DTNB: variants seen among roughly 807,000 people sequenced by gnomAD.
DTNB encodes the protein DTN-B.
In DTNB, 63 loss-of-function variants were observed where a neutral mutation model predicts 90.7. That is an observed-to-expected ratio of 0.69 (90% CI 0.57 to 0.86). The LOEUF is 0.86. Ranked by LOEUF, DTNB falls within the 40% of genes least tolerant of loss-of-function variation. The pLI, the probability that DTNB is intolerant of heterozygous loss-of-function variation, is 0.00. For synonymous variants in DTNB, 277 were observed against 286.7 expected, an observed-to-expected ratio of 0.97 and a Z score of 0.34; for missense variants, 744 against 807.1, an observed-to-expected ratio of 0.92 and a Z score of 0.95.
chr2:25,584,532 G>A (rs1559126079), intron 6 of DTNB, among the ~76,000 whole-genome samples: 5 of 151,446 alleles, frequency 3.3e-5, no homozygotes, highest in South Asian at 2.1e-4. Context: ...ATTTTTAAGT[G>A]ACTTAGTTTT....
chr2:25,523,430 A>G (rs2076502515), intron 9 of DTNB, among the ~76,000 whole-genome samples: 1 of 152,276 alleles, frequency 6.6e-6, no homozygotes, highest in African/African-American at 2.4e-5. Flanking sequence ...GCTTGAGGTC[A>G]GGAGTTCGAG....
chr2:25,417,136 A>AG (rs1160912260), intron 16 of DTNB, among the ~76,000 whole-genome samples: 4 of 152,192 alleles, frequency 2.6e-5, no homozygotes, highest in African/African-American at 9.7e-5. Context: ...GGGAAAGCTG[A>AG]GGAAAAAACA....
chr2:25,579,733 C>G (rs2061266756), intron 7 of DTNB, among the ~76,000 whole-genome samples: 1 of 151,780 alleles, frequency 6.6e-6, no homozygotes, highest in Admixed American at 6.6e-5. Flanking sequence ...AAAAGGGAAC[C>G]CACTGTTAAA....
At position 25,381,438 on chromosome 2, in the gene DTNB, G is replaced by T. The variant is rs186642008; in HGVS notation, c.1880-2115C>A. Among the ~76,000 whole-genome samples the T allele has an allele frequency of 2.0e-4, 31 of 152,164 alleles. No individual in the cohort carries two copies. In the East Asian group the frequency reaches 5.8e-3, roughly 28 times the overall value. On this transcript the variant is annotated intron_variant, in intron 19 of 20. Transcript: ENST00000406818. ...TCTGTTATCCAGGCTGGAATGCAGT[G>T]GCGTGACTATAGCTCACTGCAGCCT...
intron 1 of DTNB, among the ~76,000 whole-genome samples, chr2:25,654,542 C>T (rs2081681073): frequency 6.6e-6 from 1 of 152,160 alleles, no homozygotes; most frequent in African/African-American, 2.4e-5. Flanking sequence ...TCGAAAACAG[C>T]CAGTATTAAA....
At chr2:25,542,241 G>A (rs1032797859) in intron 8 of DTNB, among the ~76,000 whole-genome samples, 16 of 152,146 alleles carry the variant, frequency 1.1e-4, no homozygotes, top group African/African-American at 3.4e-4. Flanking sequence ...CAGCCTCACC[G>A]TGCCCAGCTT....
At chr2:25,402,732 A>C (rs952619368) in intron 16 of DTNB, among the ~76,000 whole-genome samples, 1 of 152,228 alleles carries the variant, frequency 6.6e-6, no homozygotes, top group Non-Finnish European at 1.5e-5. Context: ...TGGTGAGGCA[A>C]GCTGCGGTAA....
At chr2:25,529,107 C>T (rs2077669356) in intron 9 of DTNB, among the ~76,000 whole-genome samples, 1 of 152,150 alleles carries the variant, frequency 6.6e-6, no homozygotes, top group Non-Finnish European at 1.5e-5. Flanking sequence ...AAGTAGATTA[C>T]TTAGTTCCTT....
intron 14 of DTNB, among the ~76,000 whole-genome samples, chr2:25,431,625 A>T (rs2053875192): frequency 6.6e-6 from 1 of 152,232 alleles, no homozygotes. Flanking sequence ...GATATTTTTC[A>T]GATCCTTCCG....
At chr2:25,558,408 C>T in intron 8 of DTNB, 4 of 985,400 alleles carry the variant, frequency 4.1e-6, no homozygotes, top group Non-Finnish European at 4.8e-6. Context: ...TGGTGGCCAT[C>T]TGCAAGAACA....
At chr2:25,393,639 C>T (rs1476963441) in intron 16 of DTNB, among the ~76,000 whole-genome samples, 1 of 151,632 alleles carries the variant, frequency 6.6e-6, no homozygotes, top group East Asian at 1.9e-4. Context: ...AGAATACCTG[C>T]AAAAAATAAA....
chr2:25,641,036 A>G (rs2078192389), intron 2 of DTNB, among the ~76,000 whole-genome samples: 2 of 152,136 alleles, frequency 1.3e-5, no homozygotes, highest in South Asian at 4.1e-4. Flanking sequence ...GGAAAATGAT[A>G]AGCTCCATAC....
At chr2:25,465,103 G>A (rs567061116) in intron 10 of DTNB, among the ~76,000 whole-genome samples, 8 of 152,256 alleles carry the variant, frequency 5.3e-5, no homozygotes, top group Non-Finnish European at 8.8e-5. Flanking sequence ...GGCCGGGTGC[G>A]GTGGCTCATA....
At chr2:25,512,623 A>C (rs1411109448) in intron 9 of DTNB, among the ~76,000 whole-genome samples, 1 of 152,230 alleles carries the variant, frequency 6.6e-6, no homozygotes, top group East Asian at 1.9e-4. Flanking sequence ...GGAATTTAGG[A>C]ATGCAAAGAA....
At chr2:25,620,527 G>A (rs969340242) in intron 4 of DTNB, among the ~76,000 whole-genome samples, 2 of 151,966 alleles carry the variant, frequency 1.3e-5, no homozygotes, top group Admixed American at 6.6e-5. Context: ...AAGCACAAAA[G>A]AATAAACAAA....
intron 10 of DTNB, among the ~76,000 whole-genome samples, chr2:25,458,345 A>G (rs2060375733): frequency 6.6e-6 from 1 of 152,142 alleles, no homozygotes; most frequent in Admixed American, 6.6e-5. Flanking sequence ...GTAAAATTAA[A>G]GGAGCACTGG....
At chr2:25,453,929 C>T (rs550423015) in intron 11 of DTNB, among the ~76,000 whole-genome samples, 2 of 152,258 alleles carry the variant, frequency 1.3e-5, no homozygotes, top group South Asian at 2.1e-4. Context: ...CGGCGGATCA[C>T]GAGGTCAGGA....
intron 10 of DTNB, among the ~76,000 whole-genome samples, chr2:25,472,528 G>A (rs903638335): frequency 2.6e-5 from 4 of 152,178 alleles, no homozygotes; most frequent in African/African-American, 9.7e-5. Flanking sequence ...GGGGGTTTTA[G>A]CTTGTAGAAC....
In DTNB at chr2:25,628,278, G is replaced by T. The variant is rs971101977; in HGVS notation, c.255C>A (p.Ile85=). The change falls in exon 4 of 21, where the codon ATC becomes ATA. Residue 85 remains isoleucine (I), a synonymous_variant. Transcript: ENST00000406818. ...EISVSRLETV[I]SSIYYQLNKR... ...TGTTCAACTGATAGTAGATGGAGGAGATGACAGTTTCGAGGCGGGACACAC... is the reference window on the plus strand; with the variant it reads ...TGTTCAACTGATAGTAGATGGAGGATATGACAGTTTCGAGGCGGGACACAC... 13 of 1,613,556 alleles carry T rather than the reference G, an allele frequency of 8.1e-6. No individual in the cohort carries two copies. The Middle Eastern group carries it at 6.6e-4, about 82-fold the overall frequency.
Sources: allele counts gnomAD v4.1 joint callset (sites outside exome capture counted in the v4.1 genomes callset), GRCh38; gene constraint gnomAD v4.1.1; transcripts MANE v1.5; gene names NCBI Gene and HGNC (gene_info 2026-07-23, HGNC 2026-07-21).